Variants in MPDZ observed in about 807,000 individuals in gnomAD.
MPDZ encodes multiple PDZ domain crumbs cell polarity complex component.
A neutral mutation model predicts 239.1 loss-of-function variants in MPDZ; 234 were observed. The observed-to-expected ratio is 0.98, with a 90% CI of 0.88 to 1.09. MPDZ has a LOEUF of 1.09. MPDZ is among the 50% of genes least tolerant of loss of function. The probability of loss-of-function intolerance (pLI) is 0.00; values close to 1 mark genes in which losing one functional copy is unlikely to be tolerated. For missense variants in MPDZ, 3,175 were observed against 2,510.0 expected, an observed-to-expected ratio of 1.26 and a Z score of -5.66; for synonymous variants, 1,048 against 881.3, an observed-to-expected ratio of 1.19 and a Z score of -3.35.
At chr9:13,189,468 G>C (rs746671425) in intron 16 of MPDZ, among the ~76,000 whole-genome samples, 33 of 152,046 alleles carry the variant, frequency 2.2e-4, no homozygotes, top group Non-Finnish European at 4.1e-4. Flanking sequence ...GTATGTGGTA[G>C]TGAAGTGTTT....
chr9:13,234,839 C>G (rs1265852254), intron 3 of MPDZ, among the ~76,000 whole-genome samples: 1 of 151,662 alleles, frequency 6.6e-6, no homozygotes, highest in Admixed American at 6.6e-5. Context: ...AATCATGCAC[C>G]TTGTATTTTC....
chr9:13,115,333 C>T lies in MPDZ; in HGVS notation c.5381G>A (p.Cys1794Tyr). The change falls in exon 40 of 47, where the codon TGT becomes TAT. Residue 1794 changes from cysteine to tyrosine, a missense_variant and splice_region_variant. By Grantham distance (194) the Cys-to-Tyr change is radical. Coordinates refer to ENST00000319217, the MANE Select transcript of MPDZ (RefSeq NM_001378778.1). ...TQEAVAALLK[C>Y]SLGTVTLEVG... The stretch of plus-strand genomic sequence containing the variant: ...TTCCAAGGTTACTGTGCCTAGGGAA[C>T]ACTGGGGGTGGGCATGGGGGGTGTT... The T allele has an allele frequency of 3.1e-6, 5 of 1,611,800 alleles. No homozygotes were observed. Among genetic ancestry groups the T allele is most frequent in the Non-Finnish European group, 4.2e-6 (5 of 1,179,114 alleles).
At chr9:13,223,813 C>T (rs1959611879) in intron 4 of MPDZ, 103 bp from the exon 5 acceptor site, 1 of 1,281,464 alleles carries the variant, frequency 7.8e-7, no homozygotes, top group African/African-American at 1.5e-5. Flanking sequence ...GGGAGGATCA[C>T]TTGAAGCCAG....
At chr9:13,201,034 T>C (rs1956326874) in intron 12 of MPDZ, among the ~76,000 whole-genome samples, 1 of 152,098 alleles carries the variant, frequency 6.6e-6, no homozygotes, top group South Asian at 2.1e-4. Context: ...ATTATCATAT[T>C]ATAGTAAATC....
chr9:13,225,563 G>A (rs540935333), intron 3 of MPDZ, among the ~76,000 whole-genome samples: 1 of 152,010 alleles, frequency 6.6e-6, no homozygotes, highest in Non-Finnish European at 1.5e-5. Flanking sequence ...CTATACAGGT[G>A]TACCATTTTT....
At chr9:13,160,772 T>C (rs1176026768) in intron 23 of MPDZ, among the ~76,000 whole-genome samples, 5 of 144,444 alleles carry the variant, frequency 3.5e-5, no homozygotes, top group East Asian at 4.2e-4. Flanking sequence ...GGGAAAAAAA[T>C]AGATGGTTGC....
intron 1 of MPDZ, among the ~76,000 whole-genome samples, chr9:13,259,718 T>C (rs576420699): frequency 3.9e-5 from 6 of 151,998 alleles, no homozygotes; most frequent in Admixed American, 1.3e-4. Context: ...TAGTTTCTTA[T>C]ATAGTAACCT....
rs1247795673 is a variant in MPDZ at position 13,139,976 on chromosome 9, A to G, written c.4003+11T>C. ...TCTTACAATTAAATGCATCACAAAA[A>G]CACAACTTACTCCAGCTGTAACCAA... On this transcript the variant is annotated intron_variant, in intron 28 of 46. Transcript: ENST00000319217. 6.2e-7 allele frequency: 1 copy of G among 1,613,062 alleles called. No homozygotes were observed. The highest frequency in any genetic ancestry group is 1.7e-5 in the Admixed American group (1 of 59,952).
intron 46 of MPDZ, among the ~76,000 whole-genome samples, chr9:13,108,128 A>G (rs1464787064): frequency 2.6e-5 from 4 of 152,202 alleles, no homozygotes; most frequent in Non-Finnish European, 5.9e-5. Context: ...AAGGCCCTGT[A>G]TCAAATTTTT....
At chr9:13,247,436 A>G (rs551106304) in intron 3 of MPDZ, among the ~76,000 whole-genome samples, 199 bp downstream of exon 3, 1 of 152,340 alleles carries the variant, frequency 6.6e-6, no homozygotes, top group South Asian at 2.1e-4. Context: ...CATATCATCT[A>G]CAATATACAG....
chr9:13,194,866 G>T (rs558989406), intron 13 of MPDZ, among the ~76,000 whole-genome samples: 53 of 152,100 alleles, frequency 3.5e-4, no homozygotes, highest in Admixed American at 7.2e-4. Context: ...AATAATTTCT[G>T]AAGTTTCATG....
chr9:13,211,832 T>C (rs1166931922), intron 10 of MPDZ, among the ~76,000 whole-genome samples: 1 of 152,098 alleles, frequency 6.6e-6, no homozygotes, highest in Non-Finnish European at 1.5e-5. Flanking sequence ...ATAGAATTTT[T>C]CTAAATTTTA....
At chr9:13,250,575 C>A (rs73647119) in intron 1 of MPDZ, among the ~76,000 whole-genome samples, 13 of 152,210 alleles carry the variant, frequency 8.5e-5, no homozygotes, top group African/African-American at 2.6e-4. Flanking sequence ...TATATTTACC[C>A]ATAATACTTG....
At chr9:13,197,592 T>C (rs62532865) in intron 12 of MPDZ, among the ~76,000 whole-genome samples, 3 of 152,128 alleles carry the variant, frequency 2.0e-5, no homozygotes, top group Non-Finnish European at 4.4e-5. Flanking sequence ...TAAACATTTA[T>C]TATATTTTTT....
chr9:13,108,544 T>C (rs148052997), intron 46 of MPDZ, among the ~76,000 whole-genome samples: 1 of 152,258 alleles, frequency 6.6e-6, no homozygotes, highest in East Asian at 1.9e-4. Context: ...TCTCTATAAC[T>C]ATTTTATATT....
At chr9:13,252,961 G>C (rs1968502251) in intron 1 of MPDZ, among the ~76,000 whole-genome samples, 1 of 152,104 alleles carries the variant, frequency 6.6e-6, no homozygotes, top group South Asian at 2.1e-4. Context: ...ATAAATGAAT[G>C]ATGTTTATAA....
intron 3 of MPDZ, among the ~76,000 whole-genome samples, chr9:13,232,864 G>A (rs1238763883): frequency 1.7e-4 from 23 of 137,776 alleles, no homozygotes; most frequent in African/African-American, 2.7e-5. Context: ...AAAAATGGGT[G>A]GAAAAAAAAA....
intron 1 of MPDZ, chr9:13,276,666 A>G (rs1974276456): frequency 6.6e-6 from 1 of 152,206 alleles, no homozygotes; most frequent in Non-Finnish European, 1.5e-5. Context: ...TTGCTCTACC[A>G]TATTTGGGGA....
At chr9:13,180,397 A>AC (rs1179660438) in intron 19 of MPDZ, among the ~76,000 whole-genome samples, 1 of 152,194 alleles carries the variant, frequency 6.6e-6, no homozygotes, top group East Asian at 1.9e-4. Flanking sequence ...CGAAGGATAG[A>AC]CACCACATTG....
Sources: gnomAD v4.1 joint callset for allele counts (sites outside exome capture counted in the v4.1 genomes callset) on GRCh38, gnomAD v4.1.1 for gene constraint, MANE v1.5 for transcripts, NCBI Gene and HGNC (gene_info 2026-07-23, HGNC 2026-07-21) for gene names.